Variants in PALLD observed in about 807,000 individuals in gnomAD.
PALLD encodes palladin.
A neutral mutation model predicts 123.5 loss-of-function variants in PALLD; 61 were observed. That is an observed-to-expected ratio of 0.49 (90% CI 0.40 to 0.61). PALLD has a LOEUF of 0.61. Ranked by LOEUF, PALLD falls within the 20% of genes least tolerant of loss-of-function variation. The pLI, the probability that PALLD is intolerant of heterozygous loss-of-function variation, is 0.00. For missense variants in PALLD, 1,273 were observed against 1,377.0 expected, an observed-to-expected ratio of 0.92 and a Z score of 1.20; for synonymous variants, 465 against 496.4, an observed-to-expected ratio of 0.94 and a Z score of 0.84.
At chr4:168,774,727 C>CAA (rs56364164) in intron 10 of PALLD, among the ~76,000 whole-genome samples, 4 of 73,206 alleles carry the variant, frequency 5.5e-5, no homozygotes, top group Admixed American at 1.9e-4. Context: ...GACTGCATCT[C>CAA]AAAAAAAAAA....
intron 10 of PALLD, among the ~76,000 whole-genome samples, chr4:168,799,843 C>T (rs1739063016): frequency 6.6e-6 from 1 of 152,128 alleles, no homozygotes; most frequent in Admixed American, 6.5e-5. Context: ...CAGGTAACAA[C>T]TATAACTATT....
chr4:168,872,896 A>G (rs1751272025), intron 10 of PALLD, among the ~76,000 whole-genome samples: 1 of 152,240 alleles, frequency 6.6e-6, no homozygotes, highest in South Asian at 2.1e-4. Flanking sequence ...ATGGAACTGA[A>G]TCGGTACTAC....
At chr4:168,870,461 C>G (rs766774713) in intron 10 of PALLD, among the ~76,000 whole-genome samples, 9 of 152,172 alleles carry the variant, frequency 5.9e-5, no homozygotes, top group Non-Finnish European at 1.0e-4. Flanking sequence ...ATCTGCCTCT[C>G]GAATGCCTTT....
At chr4:168,693,082 C>T (rs189559206) in intron 8 of PALLD, among the ~76,000 whole-genome samples, 1 of 149,046 alleles carries the variant, frequency 6.7e-6, no homozygotes, top group African/African-American at 2.6e-5. Flanking sequence ...TACATACGCT[C>T]CTTCTGTTTC....
chr4:168,819,712 T>G (rs1742450320), intron 10 of PALLD, among the ~76,000 whole-genome samples: 1 of 152,194 alleles, frequency 6.6e-6, no homozygotes. Context: ...TAATTGCGAC[T>G]TAGAACAATG....
intron 10 of PALLD, among the ~76,000 whole-genome samples, chr4:168,890,059 C>G (rs1186267234): frequency 2.0e-5 from 3 of 152,070 alleles, no homozygotes; most frequent in Admixed American, 2.0e-4. Flanking sequence ...TATTCTATTT[C>G]TCATTAATTT....
At chr4:168,889,777 C>T (rs1753899517) in intron 10 of PALLD, among the ~76,000 whole-genome samples, 1 of 152,128 alleles carries the variant, frequency 6.6e-6, no homozygotes, top group African/African-American at 2.4e-5. Context: ...TTGCTGGGCC[C>T]CAACTCTGAA....
intron 2 of PALLD, among the ~76,000 whole-genome samples, chr4:168,609,327 AG>A (rs1441821341): frequency 3.0e-5 from 4 of 131,600 alleles, no homozygotes; most frequent in African/African-American, 1.2e-4. Flanking sequence ...ATAAGAAAGC[AG>A]GAGTGAAAGC....
chr4:168,892,839 T>C lies in PALLD; in HGVS notation c.2101-1740T>C, dbSNP rs140877584. Among the ~76,000 whole-genome samples the C allele has an allele frequency of 2.2e-3, 332 of 152,262 alleles. 1 individual carries two copies. The highest frequency in any genetic ancestry group is 0.019 in the South Asian group (94 of 4,824). On this transcript the variant is annotated intron_variant, in intron 11 of 21. Coordinates refer to ENST00000505667, the MANE Select transcript of PALLD (RefSeq NM_001166108.2). The stretch of plus-strand genomic sequence containing the variant: ...GTCAACCCACATTATATATATTGTA[T>C]GTATATTTATATTCATCTGTTTAGC...
chr4:168,547,177 C>T (rs1006135978), intron 2 of PALLD, among the ~76,000 whole-genome samples: 1 of 152,246 alleles, frequency 6.6e-6, no homozygotes, highest in Admixed American at 6.5e-5. Flanking sequence ...AAATCTCAAG[C>T]CCTGGACCGT....
chr4:168,673,264 A>G (rs1294041301), intron 3 of PALLD, among the ~76,000 whole-genome samples: 2 of 152,254 alleles, frequency 1.3e-5, no homozygotes, highest in Non-Finnish European at 2.9e-5. Flanking sequence ...GTGCTGTGAA[A>G]GAAATGAAGG....
chr4:168,663,452 T>A (rs528078058), intron 2 of PALLD, among the ~76,000 whole-genome samples: 1 of 152,252 alleles, frequency 6.6e-6, no homozygotes, highest in Non-Finnish European at 1.5e-5. Context: ...TTTCTGGTTG[T>A]CTGGTATCTG....
chr4:168,766,016 A>T (rs1465353923), intron 10 of PALLD, among the ~76,000 whole-genome samples: 1 of 152,240 alleles, frequency 6.6e-6, no homozygotes, highest in African/African-American at 2.4e-5. Flanking sequence ...GGGCACACCC[A>T]TATGGACTTA....
At chr4:168,631,874 G>C (rs1347480788) in intron 2 of PALLD, 29 of 985,486 alleles carry the variant, frequency 2.9e-5, no homozygotes, top group Non-Finnish European at 3.4e-5. Context: ...TTGGGAGTGG[G>C]GGCAGACGGC....
chr4:168,786,908 G>A (rs957131787), intron 10 of PALLD, among the ~76,000 whole-genome samples: 1 of 152,126 alleles, frequency 6.6e-6, no homozygotes, highest in African/African-American at 2.4e-5. Flanking sequence ...CCTTCATAGG[G>A]TCCCAAAGCA....
intron 10 of PALLD, among the ~76,000 whole-genome samples, chr4:168,747,375 G>A (rs1028069520): frequency 2.6e-5 from 4 of 152,216 alleles, no homozygotes. Flanking sequence ...CCAGCTCTCA[G>A]CAAAAGCATA....
intron 21 of PALLD, 149 bp from the exon 22 acceptor site, chr4:168,926,064 C>T: frequency 1.6e-6 from 1 of 616,558 alleles, no homozygotes; most frequent in Non-Finnish European, 2.7e-6. Flanking sequence ...GAGTAAAATG[C>T]AAAAGTGTTC....
At chr4:168,657,202 C>T (rs1227238319) in intron 2 of PALLD, among the ~76,000 whole-genome samples, 1 of 152,192 alleles carries the variant, frequency 6.6e-6, no homozygotes, top group Non-Finnish European at 1.5e-5. Context: ...ATGATGCCTG[C>T]CATATTTCTC....
At chr4:168,531,442 C>T (rs1764587877) in intron 2 of PALLD, among the ~76,000 whole-genome samples, 1 of 152,130 alleles carries the variant, frequency 6.6e-6, no homozygotes, top group South Asian at 2.1e-4. Flanking sequence ...GATGTAATAC[C>T]AATTCCATTA....
Sources: allele counts gnomAD v4.1 joint callset (sites outside exome capture counted in the v4.1 genomes callset), GRCh38; gene constraint gnomAD v4.1.1; transcripts MANE v1.5; gene names NCBI Gene and HGNC (gene_info 2026-07-23, HGNC 2026-07-21).